Variants in EIF4G3 observed in about 807,000 individuals in gnomAD.
EIF4G3 encodes the protein eIF-4-gamma 3.
EIF4G3 carries 34 observed loss-of-function variants against 186.4 expected under a neutral mutation model. That is an observed-to-expected ratio of 0.18 (90% CI 0.14 to 0.24). The LOEUF (loss-of-function observed/expected upper bound fraction) is 0.24, where lower values mean the gene tolerates loss of function less well. EIF4G3 is among the 10% of genes least tolerant of loss of function. The probability of loss-of-function intolerance (pLI) is 1.00; values close to 1 mark genes in which losing one functional copy is unlikely to be tolerated. For synonymous variants in EIF4G3, 673 were observed against 679.5 expected, an observed-to-expected ratio of 0.99 and a Z score of 0.15; for missense variants, 1,536 against 1,948.5, an observed-to-expected ratio of 0.79 and a Z score of 3.99.
chr1:20,925,535 T>C (rs2094823607), intron 14 of EIF4G3, among the ~76,000 whole-genome samples: 1 of 152,224 alleles, frequency 6.6e-6, no homozygotes. Flanking sequence ...CTTCTATTTT[T>C]ATTTCTATAC....
In EIF4G3 at chr1:20,825,175, T is replaced by A. The variant is rs1359762974; in HGVS notation, c.4293A>T (p.Leu1431Phe). ...KQMSHKKVGA[L>F]WREADLSWKD... ...TCCAGCTGAGGTCAGCCTCCCTCCA[T>A]AAGGCTCCCACTTTCTTATGGCTCT... Residue 1431 changes from leucine to phenylalanine, a missense_variant, in exon 33 of 37, where the codon TTA becomes TTT. Around this residue, in one of 11 missense-constraint regions of EIF4G3, gnomAD observed 395 missense variants for 498.9 expected, o/e 0.79. Transcript: ENST00000602326. 4.4e-6 allele frequency: 7 copies of A among 1,604,078 alleles called. No homozygotes were observed. Among genetic ancestry groups the A allele is most frequent in the African/African-American group, 2.8e-5 (2 of 72,496 alleles).
intron 20 of EIF4G3, among the ~76,000 whole-genome samples, chr1:20,869,749 TG>T (rs1418163804): frequency 3.3e-5 from 4 of 122,754 alleles, no homozygotes; most frequent in Non-Finnish European, 6.3e-5. Flanking sequence ...CACTCTAGCC[TG>T]GGTGAAAGAG....
intron 4 of EIF4G3, among the ~76,000 whole-genome samples, chr1:21,012,923 C>T (rs188464936): frequency 2.0e-5 from 3 of 152,188 alleles, no homozygotes; most frequent in East Asian, 1.9e-4. Flanking sequence ...CAGGAAAACC[C>T]GCCTCCGAAC....
intron 14 of EIF4G3, among the ~76,000 whole-genome samples, chr1:20,923,809 C>CTA (rs10587649): frequency 0.037 from 5,249 of 143,792 alleles, 89 homozygotes; most frequent in South Asian, 0.051. Flanking sequence ...TTACCCATCC[C>CTA]TATATATATA....
intron 2 of EIF4G3, among the ~76,000 whole-genome samples, chr1:21,093,645 T>C (rs1375813218): frequency 1.3e-5 from 2 of 152,158 alleles, no homozygotes; most frequent in African/African-American, 4.8e-5. Context: ...TAAAGACACA[T>C]GCACATGTAT....
At chr1:21,139,777 G>A (rs2097307383) in intron 2 of EIF4G3, among the ~76,000 whole-genome samples, 1 of 152,074 alleles carries the variant, frequency 6.6e-6, no homozygotes, top group African/African-American at 2.4e-5. Flanking sequence ...CATCACAAAA[G>A]ACAGCCCTGA....
intron 2 of EIF4G3, among the ~76,000 whole-genome samples, chr1:21,157,397 TTGC>T (rs1019624882): frequency 1.1e-4 from 16 of 152,056 alleles, no homozygotes; most frequent in Admixed American, 3.9e-4. Flanking sequence ...AGAGAAGATC[TTGC>T]TCTCTTTCTT....
At chr1:20,918,060 A>G (rs2094099685) in intron 14 of EIF4G3, among the ~76,000 whole-genome samples, 1 of 152,106 alleles carries the variant, frequency 6.6e-6, no homozygotes, top group Admixed American at 6.6e-5. Context: ...TTTTAATGAC[A>G]AATGTGTCCA....
intron 33 of EIF4G3, among the ~76,000 whole-genome samples, chr1:20,823,823 T>C (rs2062974370): frequency 1.3e-5 from 2 of 152,254 alleles, no homozygotes; most frequent in South Asian, 2.1e-4. Context: ...CTACTACTTA[T>C]TGTCTGTTTA....
intron 20 of EIF4G3, among the ~76,000 whole-genome samples, chr1:20,876,912 T>G (rs2081055062): frequency 6.6e-6 from 1 of 152,118 alleles, no homozygotes; most frequent in Non-Finnish European, 1.5e-5. Context: ...CCCAGGAGTT[T>G]GAAGCCTCAG....
At chr1:20,896,447 AAAAAAGAAAAAG>A (rs996685060) in intron 16 of EIF4G3, among the ~76,000 whole-genome samples, 4 of 151,146 alleles carry the variant, frequency 2.6e-5, no homozygotes, top group South Asian at 2.1e-4. Context: ...AAAAAAAAAA[AAAAAAGAAAAAG>A]AAAAAGAAAA....
intron 2 of EIF4G3, among the ~76,000 whole-genome samples, chr1:21,135,968 G>A (rs2097234836): frequency 6.6e-6 from 1 of 151,884 alleles, no homozygotes; most frequent in African/African-American, 2.4e-5. Flanking sequence ...TGGATCATGA[G>A]GTCAGGAGAT....
At chr1:20,995,882 A>T (rs934065339) in intron 7 of EIF4G3, among the ~76,000 whole-genome samples, 1 of 152,198 alleles carries the variant, frequency 6.6e-6, no homozygotes, top group Non-Finnish European at 1.5e-5. Context: ...CAGGTGCCTT[A>T]CATAAAGGAG....
At position 20,810,159 on chromosome 1, in the gene EIF4G3, A is replaced by AT. The variant is rs1363674757; in HGVS notation, c.4744+578dup. 0.03 allele frequency among the ~76,000 whole-genome samples: 4,049 copies of AT among 134,316 alleles called. 158 individuals carry two copies. The highest frequency in any genetic ancestry group is 0.095 in the African/African-American group (3,497 of 36,774). The allele number at this position is 134,316 out of a possible 152,430, so 88.1% of individuals were successfully genotyped here. ...ACCTAGCCAATTTTTGTATTTTTGT[A>AT]TTTTTTTTTTTTTTGAGATAGAGTC... On this transcript the variant is annotated intron_variant, in intron 36 of 36. Coordinates refer to ENST00000602326, the MANE Select transcript of EIF4G3 (RefSeq NM_001391906.1). This position sits in a 1 kb window ranked among gnomAD's most constrained non-coding sequence, Gnocchi z 4.1.
At chr1:20,828,262 C>A (rs781473917) in intron 31 of EIF4G3, among the ~76,000 whole-genome samples, 3 of 151,948 alleles carry the variant, frequency 2.0e-5, no homozygotes, top group Non-Finnish European at 4.4e-5. Flanking sequence ...GATTTCCTGA[C>A]CTTGTGATCC....
intron 3 of EIF4G3, among the ~76,000 whole-genome samples, chr1:21,056,313 A>G (rs2154578090): frequency 6.6e-6 from 1 of 152,332 alleles, no homozygotes; most frequent in Admixed American, 6.5e-5. Context: ...TCTTCCTAGA[A>G]ACAGGCTGTT....
intron 30 of EIF4G3, among the ~76,000 whole-genome samples, chr1:20,829,798 C>A (rs939553207): frequency 2.0e-5 from 3 of 152,142 alleles, no homozygotes; most frequent in African/African-American, 7.2e-5. Flanking sequence ...ATTACTAACA[C>A]TATCATCATT....
intron 4 of EIF4G3, among the ~76,000 whole-genome samples, chr1:21,042,916 T>C (rs1046524153): frequency 6.6e-6 from 1 of 152,234 alleles, no homozygotes; most frequent in African/African-American, 2.4e-5. Flanking sequence ...TCTCTGCAGC[T>C]GAACTGAATT....
intron 4 of EIF4G3, among the ~76,000 whole-genome samples, chr1:21,033,880 T>C (rs149916584): frequency 1.2e-3 from 190 of 152,028 alleles, no homozygotes; most frequent in African/African-American, 4.4e-3. Flanking sequence ...CTAAGGTGAG[T>C]TCAAGACCAG....
Sources: gnomAD v4.1 joint callset for allele counts (sites outside exome capture counted in the v4.1 genomes callset) on GRCh38, gnomAD v4.1.1 for gene constraint, gnomAD v4.1.1 regional missense constraint, Gnocchi (gnomAD v3.1) non-coding constraint, MANE v1.5 for transcripts, NCBI Gene and HGNC (gene_info 2026-07-23, HGNC 2026-07-21) for gene names.